The following SPPL3 variants were observed in gnomAD, a reference collection of about 807,000 sequenced individuals.
The protein encoded by SPPL3 is signal peptide peptidase like 3.
In SPPL3, 5 loss-of-function variants were observed where a neutral mutation model predicts 42.4. That is an observed-to-expected ratio of 0.12 (90% CI 0.06 to 0.25). The LOEUF is 0.25. Among genes scored for constraint, SPPL3 ranks in the 10% least tolerant of loss-of-function variants. The probability of loss-of-function intolerance (pLI) is 1.00; values close to 1 mark genes in which losing one functional copy is unlikely to be tolerated. For synonymous variants in SPPL3, 195 were observed against 181.8 expected (o/e 1.07, Z -0.58); for missense variants, 235 against 489.0 (o/e 0.48, Z 4.90).
chr12:120,776,684 T>A (rs768981262), intron 6 of SPPL3, among the ~76,000 whole-genome samples: 5 of 152,172 alleles, frequency 3.3e-5, no homozygotes, highest in Non-Finnish European at 5.9e-5. Flanking sequence ...GCTTATTGTT[T>A]TGAGAAACAG....
intron 2 of SPPL3, among the ~76,000 whole-genome samples, chr12:120,794,756 A>G (rs1870043376): frequency 6.6e-6 from 1 of 152,304 alleles, no homozygotes; most frequent in East Asian, 1.9e-4. Context: ...TGATACAATT[A>G]AGTTTGAGCC....
chr12:120,892,260 C>G (rs1247326132), intron 1 of SPPL3, among the ~76,000 whole-genome samples: 1 of 152,124 alleles, frequency 6.6e-6, no homozygotes, highest in Non-Finnish European at 1.5e-5. Flanking sequence ...TGAACCTACC[C>G]TTACAAAGTG....
chr12:120,841,926 T>C (rs1209749491), intron 1 of SPPL3, among the ~76,000 whole-genome samples: 1 of 152,236 alleles, frequency 6.6e-6, no homozygotes, highest in African/African-American at 2.4e-5. Context: ...CACAGGATTA[T>C]TGGCTTGTAT....
At chr12:120,771,298 C>A (rs1869111592) in intron 6 of SPPL3, among the ~76,000 whole-genome samples, 1 of 152,256 alleles carries the variant, frequency 6.6e-6, no homozygotes, top group African/African-American at 2.4e-5. Context: ...CCTTTGCCAG[C>A]CACAGCAGCC....
intron 3 of SPPL3, among the ~76,000 whole-genome samples, chr12:120,788,499 C>A (rs1260804768): frequency 6.6e-6 from 1 of 152,144 alleles, no homozygotes; most frequent in African/African-American, 2.4e-5. Context: ...CCCATCTAAC[C>A]CTCTGTTGAG....
At chr12:120,843,772 T>C (rs1391237551) in intron 1 of SPPL3, among the ~76,000 whole-genome samples, 1 of 151,960 alleles carries the variant, frequency 6.6e-6, no homozygotes, top group Non-Finnish European at 1.5e-5. Context: ...GGCCAACAAG[T>C]TGAAACCCTG....
intron 1 of SPPL3, among the ~76,000 whole-genome samples, chr12:120,853,806 C>T (rs921679241): frequency 6.6e-6 from 1 of 152,000 alleles, no homozygotes; most frequent in East Asian, 1.9e-4. Flanking sequence ...AAAGACCATA[C>T]CTTAAAAATC....
intron 1 of SPPL3, among the ~76,000 whole-genome samples, chr12:120,872,973 G>A (rs958145613): frequency 2.6e-5 from 4 of 152,102 alleles, no homozygotes; most frequent in Non-Finnish European, 5.9e-5. Flanking sequence ...CCAGGCATAC[G>A]AAGAAGTGAA....
At chr12:120,903,726 A>ACCCCCCCCCCCCC in intron 1 of SPPL3, 119 bp downstream of exon 1, 7 of 509,658 alleles carry the variant, frequency 1.4e-5, no homozygotes, top group East Asian at 5.2e-5. Context: ...GTGCACCCCA[A>ACCCCCCCCCCCCC]CCCGCGCCCC....
intron 1 of SPPL3, among the ~76,000 whole-genome samples, chr12:120,819,786 C>G (rs1481639547): frequency 6.6e-6 from 1 of 152,124 alleles, no homozygotes; most frequent in Non-Finnish European, 1.5e-5. Context: ...GAAACTTTTA[C>G]TGCTTCGTCA....
intron 1 of SPPL3, among the ~76,000 whole-genome samples, chr12:120,887,267 T>TA (rs1284914125): frequency 2.6e-5 from 4 of 152,134 alleles, no homozygotes; most frequent in Non-Finnish European, 5.9e-5. Flanking sequence ...ATCACCTTTT[T>TA]AAAAAAACTT....
At chr12:120,888,523 T>TA (rs1873534583) in intron 1 of SPPL3, among the ~76,000 whole-genome samples, 2 of 152,174 alleles carry the variant, frequency 1.3e-5, no homozygotes, top group African/African-American at 4.8e-5. Flanking sequence ...TGGATGAGCC[T>TA]TAAAAACACT....
chr12:120,872,311 T>C (rs948959504), intron 1 of SPPL3, among the ~76,000 whole-genome samples: 2 of 152,114 alleles, frequency 1.3e-5, no homozygotes, highest in Non-Finnish European at 2.9e-5. Context: ...TATAAACAGC[T>C]AGAAAACCAG....
chr12:120,789,824 CAAAAAAAAAAAAAAA>C (rs3050392), intron 3 of SPPL3, among the ~76,000 whole-genome samples: 3 of 30,462 alleles, frequency 9.8e-5, no homozygotes, highest in Admixed American at 4.3e-4. Flanking sequence ...GACTCCGTCT[CAAAAAAAAAAAAAAA>C]AAAAAAAAAA....
chr12:120,822,845 C>A (rs1871112670), intron 1 of SPPL3, among the ~76,000 whole-genome samples: 1 of 151,974 alleles, frequency 6.6e-6, no homozygotes, highest in South Asian at 2.1e-4. Context: ...GTTACAAGCT[C>A]CAACTAGAAT....
intron 1 of SPPL3, among the ~76,000 whole-genome samples, chr12:120,839,060 T>C (rs1349430253): frequency 6.6e-6 from 1 of 152,058 alleles, no homozygotes; most frequent in African/African-American, 2.4e-5. Context: ...CATGCACACG[T>C]ATGTTTATTG....
intron 6 of SPPL3, among the ~76,000 whole-genome samples, chr12:120,781,868 T>C (rs945136788): frequency 9.2e-5 from 14 of 151,810 alleles, no homozygotes; most frequent in Non-Finnish European, 1.8e-4. Context: ...TGAACCACAA[T>C]GCCCAGCCCT....
intron 1 of SPPL3, among the ~76,000 whole-genome samples, chr12:120,881,465 C>CAA (rs374467556): frequency 0.09 from 4,746 of 52,842 alleles, 488 homozygotes; most frequent in African/African-American, 0.21. Context: ...GAGACTGCCT[C>CAA]AAAAAAAAAA....
intron 1 of SPPL3, among the ~76,000 whole-genome samples, chr12:120,900,612 A>G (rs1221592785): frequency 2.3e-4 from 34 of 151,000 alleles, no homozygotes; most frequent in South Asian, 1.3e-3. Flanking sequence ...AAAAAAAAAA[A>G]AGAGAGATCA....
Sources: allele counts gnomAD v4.1 joint callset (sites outside exome capture counted in the v4.1 genomes callset), GRCh38; gene constraint gnomAD v4.1.1; transcripts MANE v1.5; gene names NCBI Gene and HGNC (gene_info 2026-07-23, HGNC 2026-07-21).